L3MBTL2: variants seen among roughly 807,000 people sequenced by gnomAD.
L3MBTL2 encodes the protein lethal(3)malignant brain tumor-like protein 2.
A neutral mutation model predicts 86.4 loss-of-function variants in L3MBTL2; 49 were observed. The ratio of observed to expected loss-of-function variants is 0.57; its 90% CI spans 0.45 to 0.72. L3MBTL2 has a LOEUF of 0.72. Among genes scored for constraint, L3MBTL2 ranks in the 30% least tolerant of loss-of-function variants. The probability of loss-of-function intolerance (pLI) is 0.00; values close to 1 mark genes in which losing one functional copy is unlikely to be tolerated. For missense variants in L3MBTL2, 755 were observed against 923.7 expected (o/e 0.82, Z 2.37); for synonymous variants, 336 against 350.6 (o/e 0.96, Z 0.47).
chr22:41,219,639 T>C, intron 6 of L3MBTL2, 103 bp downstream of exon 6: 1 of 716,966 alleles, frequency 1.4e-6, no homozygotes, highest in Non-Finnish European at 2.4e-6. Flanking sequence ...AAAACAAAAA[T>C]CCCACCCACT....
rs771920200 is a variant in L3MBTL2, at chr22:41,219,445, T to A, written c.627T>A (p.Asp209Glu). The change falls in exon 6 of 17, where the codon GAT (aspartate) becomes GAA (glutamate). Residue 209 changes from aspartate to glutamate, a missense_variant. By Grantham distance (45) the Asp-to-Glu change is conservative (BLOSUM62 2). Coordinates refer to ENST00000216237, the MANE Select transcript of L3MBTL2 (RefSeq NM_031488.5). ...KHVPLYDQWE[D>E]VMKGMKVEVL... is the part of the protein sequence containing the mutation. ...TCCCACTCTATGACCAGTGGGAGGATGTGATGAAAGGGATGAAGGTGGAGG... is the reference window on the plus strand; with the variant it reads ...TCCCACTCTATGACCAGTGGGAGGAAGTGATGAAAGGGATGAAGGTGGAGG... The A allele has an allele frequency of 6.2e-7, 1 of 1,613,438 alleles. No homozygotes were observed. The highest frequency in any genetic ancestry group is 1.7e-5 in the Admixed American group (1 of 60,008).
Position 41,224,111 on chromosome 22 carries a change from T to TG in L3MBTL2, c.1036dup (p.Asp346GlyfsTer16). 6.2e-7 allele frequency: 1 copy of TG among 1,614,036 alleles called. No homozygotes were observed. Among genetic ancestry groups the TG allele is most frequent in the African/African-American group, 1.3e-5 (1 of 75,002 alleles). ...GTGTCACGCACTCGCATGGCTGTGGTGGACACAGTAATCGGGGGTCGCCTA... is the reference window on the plus strand; with the variant it reads ...GTGTCACGCACTCGCATGGCTGTGGTGGGACACAGTAATCGGGGGTCGCCTA... On this transcript the variant is annotated frameshift_variant, in exon 9 of 17. Coordinates refer to ENST00000216237, the MANE Select transcript of L3MBTL2 (RefSeq NM_031488.5). LOFTEE classifies it high-confidence loss of function. This position sits in a 1 kb window ranked among gnomAD's most constrained non-coding sequence, Gnocchi z 4.9.
rs749871683 is a variant in L3MBTL2 at position 41,225,779 on chromosome 22, C to G, written c.1357-15C>G. 55 of 1,599,800 alleles carry G rather than the reference C, an allele frequency of 3.4e-5. No individual in the cohort carries two copies. In the Middle Eastern group the frequency reaches 6.6e-4, roughly 19 times the overall value. On this transcript the variant is annotated splice_polypyrimidine_tract_variant and intron_variant, in intron 11 of 16. Transcript: ENST00000216237. The surrounding 1 kb of genome is among the most constrained non-coding windows in gnomAD (Gnocchi z 4.1). ...TCATGATATGATCTGTCTGCCTGCT[C>G]CCCCCACCCCCCAGGTTCTCCTGGA...
At chr22:41,209,994 G>A in intron 2 of L3MBTL2, 61 bp downstream of exon 2, 3 of 1,581,732 alleles carry the variant, frequency 1.9e-6, no homozygotes, top group East Asian at 2.2e-5. Flanking sequence ...GGAAGAGGGG[G>A]GTGGATATAG....
chr22:41,230,019 G>T, intron 16 of L3MBTL2, 120 bp from the exon 17 acceptor site: 1 of 749,032 alleles, frequency 1.3e-6, no homozygotes, highest in Non-Finnish European at 2.2e-6. Flanking sequence ...GAAGCTGGAG[G>T]GTGAAGGTGC....
rs1350335510 is a variant in L3MBTL2, at chr22:41,221,453, A to G, written c.942+166A>G. The G allele has an allele frequency of 1.4e-5, 9 of 645,556 alleles. No homozygotes were observed. The East Asian group carries it at 2.5e-4, about 18-fold the overall frequency. 40.0% of individuals were successfully genotyped at this position (645,556 alleles called of 1,614,324 possible). A position where few individuals can be genotyped will look rare whatever the true frequency, so the allele number is the denominator to read the frequency against. ...CAAATGCTGCTGCTACGTGGTTGCC[A>G]TCTGCCTTTCTAGCCTGGCGTCGGC... On this transcript the variant is annotated intron_variant, in intron 8 of 16. Transcript: ENST00000216237.
At chr22:41,213,644 G>A (rs537731232) in intron 2 of L3MBTL2, 213 of 337,860 alleles carry the variant, frequency 6.3e-4, no homozygotes, top group Non-Finnish European at 9.4e-4. Context: ...TCCCCCAGTC[G>A]TCCTCATGGA....
intron 8 of L3MBTL2, among the ~76,000 whole-genome samples, chr22:41,221,585 C>T (rs1290283231): frequency 1.3e-5 from 2 of 152,188 alleles, no homozygotes; most frequent in Non-Finnish European, 2.9e-5. Flanking sequence ...CAGAAGTGTT[C>T]ACTCAATAGA....
At chr22:41,214,398 C>G in intron 3 of L3MBTL2, 1 of 164,780 alleles carries the variant, frequency 6.1e-6, no homozygotes, top group Admixed American at 6.1e-5. Context: ...GAAGACCATG[C>G]CTCCTCGGAC....
intron 4 of L3MBTL2, among the ~76,000 whole-genome samples, chr22:41,216,562 A>T (rs1857656326): frequency 6.6e-6 from 1 of 152,180 alleles, no homozygotes; most frequent in South Asian, 2.1e-4. Flanking sequence ...CCCTGGGGCA[A>T]CGAAGGCCCA....
chr22:41,228,779 G>C (rs1036666695), intron 15 of L3MBTL2, among the ~76,000 whole-genome samples: 14 of 151,872 alleles, frequency 9.2e-5, no homozygotes, highest in African/African-American at 3.4e-4. Context: ...GAACCTGGGG[G>C]CCGGAGGTGG....
At chr22:41,229,351 T>C (rs1052007107) in intron 15 of L3MBTL2, among the ~76,000 whole-genome samples, 189 bp from the exon 16 acceptor site, 1 of 152,144 alleles carries the variant, frequency 6.6e-6, no homozygotes, top group Non-Finnish European at 1.5e-5. Flanking sequence ...TTACTTCCCA[T>C]TGGAGAGAAT....
rs1224802650 is a variant in L3MBTL2, at chr22:41,230,133, C to T, written c.2006-6C>T. The T allele has an allele frequency of 3.3e-6, 5 of 1,505,694 alleles. No homozygotes were observed. Among genetic ancestry groups the T allele is most frequent in the Admixed American group, 3.4e-5 (2 of 59,540 alleles). The allele number at this position is 1,505,694 out of a possible 1,614,324, so 93.3% of individuals were successfully genotyped here. On this transcript the variant is annotated splice_polypyrimidine_tract_variant and splice_region_variant and intron_variant, in intron 16 of 16. Transcript: ENST00000216237. ...GCCCACCCACCCGCCTCCCCTCCCT[C>T]TTCAGTCATTGCTGTGCGTGTGAAG...
chr22:41,219,867 G>A (rs995784079), intron 6 of L3MBTL2, among the ~76,000 whole-genome samples: 2 of 152,224 alleles, frequency 1.3e-5, no homozygotes, highest in South Asian at 2.1e-4. Flanking sequence ...TCAGCCTCCC[G>A]AATAGCTGGG....
chr22:41,210,082 A>G, intron 2 of L3MBTL2, 149 bp downstream of exon 2: 2 of 1,051,552 alleles, frequency 1.9e-6, no homozygotes, highest in Non-Finnish European at 1.3e-6. Flanking sequence ...AAGGACCTGT[A>G]AGGGAGACAG....
intron 2 of L3MBTL2, among the ~76,000 whole-genome samples, chr22:41,211,375 ATT>A (rs35184088): frequency 6.8e-6 from 1 of 147,718 alleles, no homozygotes; most frequent in African/African-American, 2.5e-5. Context: ...TAATTTTTGT[ATT>A]TTTTTTTTGT....
In L3MBTL2 at chr22:41,220,671, A is replaced by C. The variant is rs552690063; in HGVS notation, c.719-63A>C. The C allele has an allele frequency of 9.7e-5, 147 of 1,516,342 alleles. No homozygotes were observed. In the South Asian group the frequency reaches 1.7e-3, roughly 18 times the overall value. 93.9% of individuals were successfully genotyped at this position (1,516,342 alleles called of 1,614,324 possible). A position where few individuals can be genotyped will look rare whatever the true frequency, so the allele number is the denominator to read the frequency against. On this transcript the variant is annotated intron_variant, in intron 6 of 16. Transcript: ENST00000216237. ...AGACTTCGTCTCAGAAAAAAAAAAA[A>C]AAAACAGAACATACCTTCCCCAGCT...
Position 41,230,369 on chromosome 22 carries a change from C to A in L3MBTL2, c.*118C>A. Reference sequence around the variant, plus strand: ...ACTGATCCTCTCTGTGTAAATTCTGCCCGGTGCTGTGAAGGCTGGACGGTG... The same window carrying A: ...ACTGATCCTCTCTGTGTAAATTCTGACCGGTGCTGTGAAGGCTGGACGGTG... On this transcript the variant is annotated 3_prime_UTR_variant, in exon 17 of 17. Transcript: ENST00000216237. The A allele has an allele frequency of 1.3e-6, 1 of 765,566 alleles. No individual in the cohort carries two copies. 47.4% of individuals were successfully genotyped at this position (765,566 alleles called of 1,614,324 possible).
chr22:41,229,369 C>T, intron 15 of L3MBTL2, 171 bp from the exon 16 acceptor site: 1 of 666,760 alleles, frequency 1.5e-6, no homozygotes, highest in African/African-American at 1.8e-5. Context: ...AATCTGAGCT[C>T]AGGGCACATA....
Sources: allele counts gnomAD v4.1 joint callset (sites outside exome capture counted in the v4.1 genomes callset), GRCh38; gene constraint gnomAD v4.1.1; non-coding constraint Gnocchi (gnomAD v3.1); transcripts MANE v1.5; gene names NCBI Gene and HGNC (gene_info 2026-07-23, HGNC 2026-07-21).